Variants in BMPR1B observed in about 807,000 individuals in gnomAD.
BMPR1B encodes bone morphogenetic protein receptor type 1B.
A neutral mutation model predicts 59.1 loss-of-function variants in BMPR1B; 12 were observed. The ratio of observed to expected loss-of-function variants is 0.20; its 90% CI spans 0.13 to 0.33. The LOEUF (loss-of-function observed/expected upper bound fraction) is 0.33. Among genes scored for constraint, BMPR1B ranks in the 10% least tolerant of loss-of-function variants. The probability of loss-of-function intolerance (pLI) is 1.00; values close to 1 mark genes in which losing one functional copy is unlikely to be tolerated. For synonymous variants in BMPR1B, 237 were observed against 207.3 expected (o/e 1.14, Z -1.23); for missense variants, 550 against 610.9 (o/e 0.90, Z 1.05).
At chr4:95,000,771 A>G (rs919912231) in intron 3 of BMPR1B, among the ~76,000 whole-genome samples, 1 of 152,202 alleles carries the variant, frequency 6.6e-6, no homozygotes, top group Non-Finnish European at 1.5e-5. Context: ...CACTACCAGC[A>G]GCACCAAGAA....
intron 2 of BMPR1B, among the ~76,000 whole-genome samples, chr4:94,921,464 CAG>C (rs1258573237): frequency 6.6e-6 from 1 of 152,016 alleles, no homozygotes; most frequent in Admixed American, 6.6e-5. Flanking sequence ...GGAGAGGCCT[CAG>C]GGAGCTTTTA....
chr4:94,904,647 A>G (rs1371559930), intron 2 of BMPR1B, among the ~76,000 whole-genome samples: 2 of 152,186 alleles, frequency 1.3e-5, no homozygotes, highest in East Asian at 1.9e-4. Context: ...AAGATGTGCT[A>G]ATCAATGATG....
chr4:95,151,586 A>G (rs892858854), intron 11 of BMPR1B, among the ~76,000 whole-genome samples: 10 of 152,186 alleles, frequency 6.6e-5, no homozygotes, highest in Non-Finnish European at 1.2e-4. Context: ...GTGAGTTGGA[A>G]TGGTCTGAAA....
At chr4:95,113,342 T>C (rs941201224) in intron 4 of BMPR1B, among the ~76,000 whole-genome samples, 1 of 152,184 alleles carries the variant, frequency 6.6e-6, no homozygotes, top group Admixed American at 6.6e-5. Context: ...TTTGTTGTGC[T>C]GGCTCTTATA....
At chr4:94,899,609 C>T (rs1727725844) in intron 2 of BMPR1B, among the ~76,000 whole-genome samples, 1 of 151,458 alleles carries the variant, frequency 6.6e-6, no homozygotes, top group Non-Finnish European at 1.5e-5. Flanking sequence ...AATATATGAC[C>T]TCCTGTTAAA....
chr4:94,890,571 G>A (rs7669913), intron 2 of BMPR1B, among the ~76,000 whole-genome samples: 4,516 of 152,142 alleles, frequency 0.03, 140 homozygotes, highest in African/African-American at 0.073. Context: ...TTGGGCTGCC[G>A]TAACGAAATA....
intron 2 of BMPR1B, among the ~76,000 whole-genome samples, chr4:94,965,881 G>C (rs758631898): frequency 2.6e-5 from 4 of 152,130 alleles, no homozygotes; most frequent in Non-Finnish European, 5.9e-5. Flanking sequence ...CAACAACACT[G>C]TGTTCCAACA....
chr4:94,973,259 C>T (rs1168495556), intron 2 of BMPR1B, among the ~76,000 whole-genome samples: 5 of 152,184 alleles, frequency 3.3e-5, no homozygotes, highest in South Asian at 4.1e-4. Context: ...CCTCTGCCAG[C>T]GAGGGCAAAG....
At chr4:94,797,577 G>T (rs922326374) in intron 1 of BMPR1B, among the ~76,000 whole-genome samples, 3 of 152,174 alleles carry the variant, frequency 2.0e-5, no homozygotes, top group African/African-American at 4.8e-5. Context: ...TTTGGGTCTG[G>T]TGATTAAGAG....
intron 2 of BMPR1B, among the ~76,000 whole-genome samples, chr4:94,993,445 A>T (rs1002167809): frequency 6.6e-6 from 1 of 152,092 alleles, no homozygotes; most frequent in Non-Finnish European, 1.5e-5. Flanking sequence ...AATTCAACTA[A>T]TGCATTAAAT....
chr4:94,929,004 A>G (rs1728993877), intron 2 of BMPR1B, among the ~76,000 whole-genome samples: 1 of 152,044 alleles, frequency 6.6e-6, no homozygotes, highest in African/African-American at 2.4e-5. Flanking sequence ...TTGTGACACA[A>G]CTCTATGAAC....
rs1014876500 is a variant in BMPR1B, at chr4:94,860,231, G to A, written c.-182-15600G>A. Among the ~76,000 whole-genome samples the A allele has an allele frequency of 2.0e-5, 3 of 152,022 alleles. No homozygotes were observed. In the South Asian group the frequency reaches 6.2e-4, roughly 32 times the overall value. ...TTCTTTCACTAATGGGAAAACCTTT[G>A]GTCCTCCTTTAGGTAGGTCTGAAAA... On this transcript the variant is annotated intron_variant, in intron 1 of 12. Coordinates refer to ENST00000515059, the MANE Select transcript of BMPR1B (RefSeq NM_001203.3).
chr4:95,104,357 C>T, intron 3 of BMPR1B, 51 bp from the exon 4 acceptor site: 1 of 1,560,418 alleles, frequency 6.4e-7, no homozygotes, highest in Non-Finnish European at 8.8e-7. Context: ...GAACAGAAGA[C>T]TGGGGTAGTC....
chr4:94,829,794 C>G (rs747687966), intron 1 of BMPR1B, among the ~76,000 whole-genome samples: 1 of 152,082 alleles, frequency 6.6e-6, no homozygotes, highest in Non-Finnish European at 1.5e-5. Context: ...TCCCCAAGGT[C>G]AGGATTATGT....
At chr4:94,994,084 T>G (rs116270801) in intron 2 of BMPR1B, among the ~76,000 whole-genome samples, 1 of 152,206 alleles carries the variant, frequency 6.6e-6, no homozygotes, top group African/African-American at 2.4e-5. Flanking sequence ...AATTTGTATA[T>G]GTCAATTTGG....
At chr4:94,933,643 G>T (rs1480952903) in intron 2 of BMPR1B, among the ~76,000 whole-genome samples, 1 of 152,026 alleles carries the variant, frequency 6.6e-6, no homozygotes, top group Non-Finnish European at 1.5e-5. Context: ...GTGTATCAGG[G>T]TTCTAACATA....
At chr4:95,131,905 T>G (rs1733387258) in intron 10 of BMPR1B, among the ~76,000 whole-genome samples, 1 of 152,256 alleles carries the variant, frequency 6.6e-6, no homozygotes, top group African/African-American at 2.4e-5. Flanking sequence ...CTTGCATAGA[T>G]GTTTTGGGAG....
intron 4 of BMPR1B, among the ~76,000 whole-genome samples, chr4:95,107,327 A>G (rs967689607): frequency 3.9e-5 from 6 of 152,092 alleles, no homozygotes; most frequent in African/African-American, 1.4e-4. Flanking sequence ...TCAGATTTAT[A>G]GACACTGATA....
intron 3 of BMPR1B, among the ~76,000 whole-genome samples, chr4:95,092,845 T>C (rs1284855795): frequency 6.6e-6 from 1 of 152,038 alleles, no homozygotes; most frequent in Non-Finnish European, 1.5e-5. Flanking sequence ...GTCTTGGGAG[T>C]GCTTTGCAAA....
Sources: gnomAD v4.1 joint callset for allele counts (sites outside exome capture counted in the v4.1 genomes callset) on GRCh38, gnomAD v4.1.1 for gene constraint, MANE v1.5 for transcripts, NCBI Gene and HGNC (gene_info 2026-07-23, HGNC 2026-07-21) for gene names.